The following TMEM232 variants were observed in gnomAD, a reference collection of about 807,000 sequenced individuals.
TMEM232 encodes the protein transmembrane protein 232.
In TMEM232, 80 loss-of-function variants were observed where a neutral mutation model predicts 78.8. The ratio of observed to expected loss-of-function variants is 1.01; its 90% confidence interval spans 0.85 to 1.22. The LOEUF (loss-of-function observed/expected upper bound fraction) is 1.22, where lower values mean the gene tolerates loss of function less well. Among genes scored for constraint, TMEM232 ranks in the 50% most tolerant of loss-of-function variants. The pLI, the probability that TMEM232 is intolerant of heterozygous loss-of-function variation, is 0.00. For synonymous variants in TMEM232, 297 were observed against 254.3 expected (o/e 1.17, Z -1.60); for missense variants, 881 against 742.2 (o/e 1.19, Z -2.17).
chr5:110,451,537 T>C (rs1007992633), intron 12 of TMEM232, among the ~76,000 whole-genome samples: 5 of 152,306 alleles, frequency 3.3e-5, no homozygotes, highest in African/African-American at 7.2e-5. Flanking sequence ...TGCCTTAATC[T>C]TCTAGTCATT....
chr5:110,534,397 A>G (rs1772013453), intron 11 of TMEM232, among the ~76,000 whole-genome samples: 1 of 152,212 alleles, frequency 6.6e-6, no homozygotes, highest in East Asian at 1.9e-4. Context: ...CAACTTAAAA[A>G]AGACTAGACA....
rs568019250 is a variant in TMEM232, at chr5:110,596,427, C to T, written c.1276+8682G>A. Among the ~76,000 whole-genome samples the T allele has an allele frequency of 1.6e-3, 236 of 152,240 alleles. 1 individual carries two copies. Among genetic ancestry groups the T allele is most frequent in the African/African-American group, 5.5e-3 (229 of 41,544 alleles). On this transcript the variant is annotated intron_variant, in intron 10 of 13. Coordinates refer to ENST00000455884, the MANE Select transcript of TMEM232 (RefSeq NM_001039763.4). ...CAGATGGATTCACAGCCGAATTCTA[C>T]CAGAGGTACAAAGAGGAACTGGTAC...
intron 12 of TMEM232, among the ~76,000 whole-genome samples, chr5:110,478,897 A>ATTTTTTTTTTTTTTT (rs746104997): frequency 2.3e-4 from 26 of 111,792 alleles, no homozygotes; most frequent in Admixed American, 3.8e-4. Flanking sequence ...GGAGAAATTG[A>ATTTTTTTTTTTTTTT]TTTTTTTTTT....
intron 12 of TMEM232, among the ~76,000 whole-genome samples, chr5:110,503,250 G>C (rs1186561786): frequency 6.6e-6 from 1 of 152,104 alleles, no homozygotes; most frequent in Non-Finnish European, 1.5e-5. Context: ...CCTGATTTTA[G>C]AAATATTTGG....
intron 12 of TMEM232, among the ~76,000 whole-genome samples, chr5:110,464,336 T>TA (rs2149360527): frequency 6.6e-6 from 1 of 152,292 alleles, no homozygotes; most frequent in Non-Finnish European, 1.5e-5. Flanking sequence ...AATAGCATCT[T>TA]ACTATTCATT....
chr5:110,428,725 T>G (rs1317113307), intron 12 of TMEM232, among the ~76,000 whole-genome samples: 1 of 151,664 alleles, frequency 6.6e-6, no homozygotes, highest in Non-Finnish European at 1.5e-5. Context: ...CCTCTTTGGC[T>G]GCTTAATTTG....
At chr5:110,457,961 C>A (rs1761075333) in intron 12 of TMEM232, among the ~76,000 whole-genome samples, 1 of 151,850 alleles carries the variant, frequency 6.6e-6, no homozygotes, top group Non-Finnish European at 1.5e-5. Context: ...TTGTGTTTTT[C>A]CACCAATACT....
chr5:110,555,494 G>A (rs1324860471), intron 11 of TMEM232, among the ~76,000 whole-genome samples: 1 of 152,164 alleles, frequency 6.6e-6, no homozygotes, highest in African/African-American at 2.4e-5. Flanking sequence ...GTTTGAGGGA[G>A]TGCTCTGTAG....
At chr5:110,667,120 A>C in intron 2 of TMEM232, 108 bp downstream of exon 2, 1 of 934,616 alleles carries the variant, frequency 1.1e-6, no homozygotes, top group South Asian at 1.9e-5. Flanking sequence ...AAACTTTAAA[A>C]TTTTAATCTT....
intron 3 of TMEM232, among the ~76,000 whole-genome samples, chr5:110,396,669 C>T (rs763410110): frequency 3.3e-5 from 5 of 152,152 alleles, no homozygotes; most frequent in African/African-American, 4.8e-5. Flanking sequence ...GCAGCCATAT[C>T]ATCTGACTGA....
At chr5:110,598,989 T>G (rs1780542498) in intron 10 of TMEM232, among the ~76,000 whole-genome samples, 1 of 151,774 alleles carries the variant, frequency 6.6e-6, no homozygotes, top group Non-Finnish European at 1.5e-5. Flanking sequence ...TGTGCACATG[T>G]ACCCTAAAAC....
chr5:110,575,820 C>G (rs1777514594), intron 10 of TMEM232, among the ~76,000 whole-genome samples: 3 of 151,974 alleles, frequency 2.0e-5, no homozygotes, highest in African/African-American at 7.2e-5. Context: ...CATCATGAAT[C>G]CCCTCCACCA....
chr5:110,647,196 G>A (rs1787619694), intron 2 of TMEM232, among the ~76,000 whole-genome samples: 1 of 151,840 alleles, frequency 6.6e-6, no homozygotes, highest in Non-Finnish European at 1.5e-5. Flanking sequence ...TTGTACAGCT[G>A]CATTTGTGAA....
intron 12 of TMEM232, among the ~76,000 whole-genome samples, chr5:110,526,907 T>A (rs1770688764): frequency 1.3e-5 from 2 of 151,854 alleles, no homozygotes; most frequent in African/African-American, 4.8e-5. Flanking sequence ...TGTACTGGAA[T>A]GGAAAAATTT....
chr5:110,531,505 A>G (rs545953310), intron 11 of TMEM232, among the ~76,000 whole-genome samples: 4 of 151,698 alleles, frequency 2.6e-5, no homozygotes, highest in East Asian at 3.9e-4. Flanking sequence ...CTCTTCTCCA[A>G]CCTCTCTCAC....
chr5:110,690,707 A>G (rs1379043129), intron 1 of TMEM232, among the ~76,000 whole-genome samples: 1 of 152,220 alleles, frequency 6.6e-6, no homozygotes, highest in Non-Finnish European at 1.5e-5. Flanking sequence ...CACAGTAGCA[A>G]AGACTTGGAA....
chr5:110,551,223 G>C (rs993932016), intron 11 of TMEM232, among the ~76,000 whole-genome samples: 1 of 151,580 alleles, frequency 6.6e-6, no homozygotes, highest in East Asian at 1.9e-4. Flanking sequence ...TTGTTTGTTT[G>C]TTTTTGTTTG....
intron 1 of TMEM232, among the ~76,000 whole-genome samples, chr5:110,716,890 G>T (rs76858845): frequency 0.086 from 13,020 of 152,136 alleles, 587 homozygotes; most frequent in Admixed American, 0.12. Flanking sequence ...TGGCTTTTTT[G>T]TGTGTGTAGC....
intron 12 of TMEM232, among the ~76,000 whole-genome samples, chr5:110,473,243 C>G (rs1481942324): frequency 1.3e-5 from 2 of 151,488 alleles, no homozygotes; most frequent in African/African-American, 4.8e-5. Context: ...AACTCAATAA[C>G]AAACAAAATG....
Sources: allele counts gnomAD v4.1 joint callset (sites outside exome capture counted in the v4.1 genomes callset), GRCh38; gene constraint gnomAD v4.1.1; transcripts MANE v1.5; gene names NCBI Gene and HGNC (gene_info 2026-07-23, HGNC 2026-07-21).